Variants in WDR86 observed in about 807,000 individuals in gnomAD.
WDR86 encodes the protein WD repeat-containing protein 86.
A neutral mutation model predicts 36.5 loss-of-function variants in WDR86; 30 were observed. That is an observed-to-expected ratio of 0.82 (90% CI 0.61 to 1.11). The LOEUF is 1.11. WDR86 is among the 50% of genes most tolerant of loss of function. WDR86 has a pLI of 0.00. For missense variants in WDR86, 545 were observed against 561.2 expected, an observed-to-expected ratio of 0.97 and a Z score of 0.29; for synonymous variants, 255 against 252.9, an observed-to-expected ratio of 1.01 and a Z score of -0.08.
rs372125619 is a variant in WDR86 at position 151,385,079 on chromosome 7, G to A, written c.862+9C>T. Reference sequence around the variant, plus strand: ...GGTGGCACAGGTCGTGCAGGGCCAAGTCACTTACAGGTGCCCGCGTGGTAC... The same window carrying A: ...GGTGGCACAGGTCGTGCAGGGCCAAATCACTTACAGGTGCCCGCGTGGTAC... On this transcript the variant is annotated intron_variant, in intron 4 of 5. Transcript: ENST00000334493. 6.3e-7 allele frequency: 1 copy of A among 1,588,736 alleles called. No homozygotes were observed. The highest frequency in any genetic ancestry group is 1.1e-5 in the South Asian group (1 of 88,918).
At position 151,381,426 on chromosome 7, in the gene WDR86, GA is replaced by G; in HGVS notation, c.*155del. ...CTCCCAGCGCCTCCTGGCCACCAAA[GA>G]AAAACCAGACGCCTGCGACGGGCTC... On this transcript the variant is annotated 3_prime_UTR_variant, in exon 6 of 6. Transcript: ENST00000334493. The surrounding 1 kb of genome is among the most constrained non-coding windows in gnomAD (Gnocchi z 4.8). 6.7e-7 allele frequency: 1 copy of G among 1,489,946 alleles called. No individual in the cohort carries two copies. The highest frequency in any genetic ancestry group is 8.9e-7 in the Non-Finnish European group (1 of 1,127,830). 92.3% of individuals were successfully genotyped at this position (1,489,946 alleles called of 1,614,324 possible).
downstream of WDR86, among the ~76,000 whole-genome samples, chr7:151,375,592 C>T (rs936089267): frequency 1.3e-5 from 2 of 152,316 alleles, no homozygotes; most frequent in South Asian, 4.1e-4. Context: ...ATGCTGCTTC[C>T]ACCTGCTCTC....
intron 2 of WDR86, among the ~76,000 whole-genome samples, chr7:151,398,609 GTGTGTA>G (rs576632131): frequency 2.8e-4 from 43 of 151,502 alleles, no homozygotes; most frequent in Middle Eastern, 3.4e-3. Context: ...GTGTGCGCAC[GTGTGTA>G]TGTGTAAGTT....
At chr7:151,400,377 A>T (rs1800196364) in intron 1 of WDR86, 136 bp from the exon 2 acceptor site, 10 of 1,026,782 alleles carry the variant, frequency 9.7e-6, no homozygotes, top group African/African-American at 1.7e-5. Context: ...AATTAGCATT[A>T]GTTTTGTTTT....
Position 151,409,505 on chromosome 7 carries a change from G to T in WDR86, c.85C>A (p.Arg29Ser). ...NWLSLSPDGQ[R>S]LLTGSEDGTA... The stretch of plus-strand genomic sequence containing the variant: ...CCGTCCTCGCTGCCCGTCAGCAGGC[G>T]CTGCCCGTCGGGGCTCAGGCTCAGC... The change falls in exon 1 of 6, where the codon CGC becomes AGC. Residue 29 changes from arginine to serine, a missense_variant. Arg to Ser is a moderately radical substitution (Grantham distance 110). Transcript: ENST00000334493. This position sits in a 1 kb window ranked among gnomAD's most constrained non-coding sequence, Gnocchi z 5.2. 1 of 1,532,814 alleles carries T rather than the reference G, an allele frequency of 6.5e-7. No individual in the cohort carries two copies. Among genetic ancestry groups the T allele is most frequent in the Non-Finnish European group, 8.7e-7 (1 of 1,145,652 alleles). 95.0% of individuals were successfully genotyped at this position (1,532,814 alleles called of 1,614,324 possible). A position where few individuals can be genotyped will look rare whatever the true frequency, so the allele number is the denominator to read the frequency against.
chr7:151,381,114 A>G, downstream of WDR86: 1 of 1,215,352 alleles, frequency 8.2e-7, no homozygotes, highest in East Asian at 3.2e-5. This position sits in a 1 kb window ranked among gnomAD's most constrained non-coding sequence, Gnocchi z 4.8. Context: ...AAAAGAGGAC[A>G]CAGGAGCACT....
intron 4 of WDR86, among the ~76,000 whole-genome samples, chr7:151,383,254 T>C (rs1448906084): frequency 6.6e-6 from 1 of 151,662 alleles, no homozygotes; most frequent in Non-Finnish European, 1.5e-5. Flanking sequence ...GCAGAGCAGA[T>C]CATGAGATCA....
rs1461050315 is a variant in WDR86 at position 151,397,708 on chromosome 7, A to AAG, written c.306-1514_306-1513dup. Among the ~76,000 whole-genome samples, 125 of 108,086 alleles carry AAG rather than the reference A, an allele frequency of 1.2e-3. 1 individual carries two copies. The highest frequency in any genetic ancestry group is 3.2e-3 in the East Asian group (9 of 2,774). The allele number at this position is 108,086 out of a possible 152,430, so 70.9% of individuals were successfully genotyped here. A position where few individuals can be genotyped will look rare whatever the true frequency, so the allele number is the denominator to read the frequency against. On this transcript the variant is annotated intron_variant, in intron 2 of 5. Coordinates refer to ENST00000334493, the MANE Select transcript of WDR86 (RefSeq NM_198285.3). Reference sequence around the variant, plus strand: ...GGGAGGAAGAGGGTGTAGTGGGAGGAAGGGCATAGCGGGAGGAAGAGGGTG... The same window carrying AAG: ...GGGAGGAAGAGGGTGTAGTGGGAGGAAGAGGGCATAGCGGGAGGAAGAGGGTG...
intron 3 of WDR86, 21 bp downstream of exon 3, chr7:151,395,755 C>CG: frequency 6.5e-7 from 1 of 1,530,408 alleles, no homozygotes; most frequent in Non-Finnish European, 8.8e-7. Context: ...GGCTGCTGGG[C>CG]GGGGACCAGG....
intron 1 of WDR86, among the ~76,000 whole-genome samples, chr7:151,407,169 G>A (rs748036364): frequency 5.9e-5 from 9 of 152,224 alleles, no homozygotes; most frequent in Non-Finnish European, 8.8e-5. Flanking sequence ...TCATTCCAGT[G>A]TCCTGCTTGA....
rs1800269298 is a variant in WDR86 at position 151,401,281 on chromosome 7, C to T, written c.164-1040G>A. Among the ~76,000 whole-genome samples, 1 of 152,178 alleles carries T rather than the reference C, an allele frequency of 6.6e-6. No homozygotes were observed. The highest frequency in any genetic ancestry group is 6.5e-5 in the Admixed American group (1 of 15,280). On this transcript the variant is annotated intron_variant, in intron 1 of 5. Coordinates refer to ENST00000334493, the MANE Select transcript of WDR86 (RefSeq NM_198285.3). This position sits in a 1 kb window ranked among gnomAD's most constrained non-coding sequence, Gnocchi z 4.3. ...CTCCTTTGCTGTGTGTCTCCTGTTT[C>T]AATTCTGTTAAACTAAGAAGACAAG... is the stretch of plus-strand genomic sequence containing the variant.
intron 1 of WDR86, among the ~76,000 whole-genome samples, chr7:151,402,070 A>AAAAAAAAAAAAAAATAT: frequency 2.0e-5 from 1 of 50,558 alleles, no homozygotes; most frequent in African/African-American, 1.2e-4. Context: ...AAAAAAAAAA[A>AAAAAAAAAAAAAAATAT]ATATATATAT....
At chr7:151,391,857 C>T (rs1373537293) in intron 3 of WDR86, among the ~76,000 whole-genome samples, 3 of 106,792 alleles carry the variant, frequency 2.8e-5, no homozygotes, top group African/African-American at 5.5e-5. Context: ...GCCCCTCCCA[C>T]GCACCGTGAG....
At chr7:151,394,773 A>G (rs776865678) in intron 3 of WDR86, among the ~76,000 whole-genome samples, 4 of 152,210 alleles carry the variant, frequency 2.6e-5, no homozygotes, top group Non-Finnish European at 5.9e-5. Context: ...TCCCTAATCT[A>G]AAACCTTGGG....
At chr7:151,408,755 G>A in intron 1 of WDR86, 13 of 394,206 alleles carry the variant, frequency 3.3e-5, no homozygotes, top group South Asian at 2.3e-4. Flanking sequence ...AGGTGCACCC[G>A]AGGCACACTG....
downstream of WDR86, among the ~76,000 whole-genome samples, chr7:151,371,134 C>G (rs1055549035): frequency 6.6e-6 from 1 of 152,144 alleles, no homozygotes; most frequent in Non-Finnish European, 1.5e-5. Context: ...GCAGTTGATC[C>G]TTCTCCCTCT....
At chr7:151,385,431 C>T in intron 3 of WDR86, 1 of 849,154 alleles carries the variant, frequency 1.2e-6, no homozygotes, top group Non-Finnish European at 1.8e-6. Context: ...GCAGCCAGTG[C>T]TCCAACAGGG....
At chr7:151,385,312 C>A in intron 3 of WDR86, 89 bp from the exon 4 acceptor site, 2 of 1,566,520 alleles carry the variant, frequency 1.3e-6, no homozygotes, top group South Asian at 1.2e-5. Flanking sequence ...GGGGCATGTG[C>A]AGGTCTCAGT....
Position 151,405,064 on chromosome 7 carries a change from G to T in WDR86, c.163+4363C>A, listed in dbSNP as rs980548457. On this transcript the variant is annotated intron_variant, in intron 1 of 5. Transcript: ENST00000334493. The surrounding 1 kb of genome is among the most constrained non-coding windows in gnomAD (Gnocchi z 4.7). ...TAGCACAAGGGTTATTTTCACCTGT[G>T]GGGGAGGCCCCACTGAGCCTGCTGT... is the stretch of plus-strand genomic sequence containing the variant. 1.3e-5 allele frequency among the ~76,000 whole-genome samples: 2 copies of T among 152,134 alleles called. No individual in the cohort carries two copies. The highest frequency in any genetic ancestry group is 6.5e-5 in the Admixed American group (1 of 15,288).
Sources: gnomAD v4.1 joint callset for allele counts (sites outside exome capture counted in the v4.1 genomes callset) on GRCh38, gnomAD v4.1.1 for gene constraint, Gnocchi (gnomAD v3.1) non-coding constraint, MANE v1.5 for transcripts, NCBI Gene and HGNC (gene_info 2026-07-23, HGNC 2026-07-21) for gene names.